Variants in MGST1 observed in about 807,000 individuals in gnomAD.
MGST1 encodes the protein glutathione S-transferase 12.
MGST1 carries 5 observed loss-of-function variants against 8.9 expected under a neutral mutation model. That is an observed-to-expected ratio of 0.56 (90% CI 0.29 to 1.19). MGST1 has a LOEUF of 1.19. Ranked by LOEUF, MGST1 falls within the 50% of genes most tolerant of loss-of-function variation. MGST1 has a pLI of 0.08. For synonymous variants in MGST1, 54 were observed against 67.8 expected (o/e 0.80, Z 1.00); for missense variants, 182 against 187.4 (o/e 0.97, Z 0.17).
intron 1 of MGST1, among the ~76,000 whole-genome samples, chr12:16,405,920 A>G (rs942393109): frequency 6.6e-5 from 10 of 152,208 alleles, no homozygotes; most frequent in African/African-American, 2.4e-4. Context: ...CAAAATAATA[A>G]GAGTCATCTA....
chr12:16,366,640 CACACACACACACACACACACACACAT>C (rs1940195229), downstream of MGST1, among the ~76,000 whole-genome samples: 2 of 41,768 alleles, frequency 4.8e-5, no homozygotes, highest in African/African-American at 2.1e-4. This position sits in a 1 kb window ranked among gnomAD's most constrained non-coding sequence, Gnocchi z 4.0. Context: ...CACACACACA[CACACACACACACACACACACACACAT>C]ACACACACAC....
intron 1 of MGST1, among the ~76,000 whole-genome samples, chr12:16,351,079 A>G (rs907589817): frequency 2.0e-5 from 3 of 152,218 alleles, no homozygotes; most frequent in Non-Finnish European, 4.4e-5. Flanking sequence ...CCATCAATAC[A>G]TAAATTTCAT....
At chr12:16,368,088 C>T (rs1007296899), downstream of MGST1, among the ~76,000 whole-genome samples, 2 of 152,102 alleles carry the variant, frequency 1.3e-5, no homozygotes, top group Non-Finnish European at 2.9e-5. Context: ...TCTCTGATCC[C>T]TAGTTATTAG....
chr12:16,499,880 C>T (rs982725440), intron 4 of MGST1, among the ~76,000 whole-genome samples: 1 of 152,106 alleles, frequency 6.6e-6, no homozygotes, highest in Non-Finnish European at 1.5e-5. Context: ...ATGCCTTCCA[C>T]TCCGGCCCTT....
chr12:16,373,757 T>C (rs974173630), intron 3 of MGST1, among the ~76,000 whole-genome samples: 1 of 152,104 alleles, frequency 6.6e-6, no homozygotes, highest in African/African-American at 2.4e-5. Flanking sequence ...ATTGGTCCTC[T>C]TATATTTGCC....
chr12:16,449,236 C>T (rs1941109025), intron 4 of MGST1, among the ~76,000 whole-genome samples: 1 of 151,888 alleles, frequency 6.6e-6, no homozygotes, highest in South Asian at 2.1e-4. Flanking sequence ...ACAATCATGG[C>T]AGAAGGTAAA....
At chr12:16,575,495 T>C (rs1044215779) in intron 4 of MGST1, among the ~76,000 whole-genome samples, 1 of 152,240 alleles carries the variant, frequency 6.6e-6, no homozygotes, top group East Asian at 1.9e-4. Context: ...AGAGCTAATG[T>C]TTATTGAGCC....
rs8181708 is a variant in MGST1 at position 16,452,976 on chromosome 12, A to G, written n.482+69372A>G. Among the ~76,000 whole-genome samples the G allele has an allele frequency of 9.0e-3, 1,373 of 152,050 alleles. 75 individuals are homozygous for G. In the East Asian group the frequency reaches 0.17, roughly 19 times the overall value. ...TTGTTTTTCAGGCATTGGCCAACATATATTTTCTTAAATTTGATTAAAGTG... is the reference window on the plus strand; with the variant it reads ...TTGTTTTTCAGGCATTGGCCAACATGTATTTTCTTAAATTTGATTAAAGTG... On this transcript the variant is annotated intron_variant and non_coding_transcript_variant, in intron 4 of 4. Transcript: ENST00000538857.
chr12:16,438,437 A>G (rs866369828), exon 2 of MGST1: 3 of 151,950 alleles, frequency 2.0e-5, no homozygotes, highest in Middle Eastern at 3.4e-3. Context: ...TCAGATTCGA[A>G]TTTAGAAAAG....
chr12:16,456,044 G>A (rs1040922494), intron 4 of MGST1, among the ~76,000 whole-genome samples: 5 of 151,732 alleles, frequency 3.3e-5, no homozygotes, highest in African/African-American at 9.7e-5. Context: ...TTGAGCAAGT[G>A]TTCACTTTCT....
chr12:16,554,071 C>A (rs930525741), intron 4 of MGST1, among the ~76,000 whole-genome samples: 5 of 152,084 alleles, frequency 3.3e-5, no homozygotes, highest in African/African-American at 1.2e-4. Flanking sequence ...ATTATTAAAC[C>A]ATCTAATTCT....
intron 4 of MGST1, among the ~76,000 whole-genome samples, chr12:16,484,136 G>A (rs773677945): frequency 3.3e-5 from 5 of 152,114 alleles, no homozygotes; most frequent in Non-Finnish European, 7.4e-5. Context: ...ACTCTGGATG[G>A]GATTTAGTTT....
At position 16,533,715 on chromosome 12, in the gene MGST1, T is replaced by C. The variant is rs538607043; in HGVS notation, n.483-55813T>C. 1.3e-4 allele frequency among the ~76,000 whole-genome samples: 12 copies of C among 91,748 alleles called. No homozygotes were observed. The South Asian group carries it at 3.1e-3, about 24-fold the overall frequency. The allele number at this position is 91,748 out of a possible 152,430, so 60.2% of individuals were successfully genotyped here. A position where few individuals can be genotyped will look rare whatever the true frequency, so the allele number is the denominator to read the frequency against. ...GACTTTTAAGGCACTTACAGTCTAG[T>C]GGGGGATGCAAAAAAAAAAAAAAGT... On this transcript the variant is annotated intron_variant and non_coding_transcript_variant, in intron 4 of 4. Coordinates refer to the MGST1 transcript ENST00000538857.
At chr12:16,467,778 A>G in intron 4 of MGST1, among the ~76,000 whole-genome samples, 1 of 152,236 alleles carries the variant, frequency 6.6e-6, no homozygotes, top group East Asian at 1.9e-4. Flanking sequence ...CTGCTTTTAC[A>G]TATTAATAAT....
chr12:16,492,150 A>G (rs185692908), intron 4 of MGST1, among the ~76,000 whole-genome samples: 67 of 152,314 alleles, frequency 4.4e-4, no homozygotes, highest in Non-Finnish European at 8.4e-4. Flanking sequence ...GTAGGATGGT[A>G]GATTCAAATT....
downstream of MGST1, among the ~76,000 whole-genome samples, chr12:16,365,743 GCACACACACACACA>G (rs769759439): frequency 1.0e-5 from 1 of 100,374 alleles, no homozygotes; most frequent in Non-Finnish European, 1.9e-5. Context: ...GCGTGCACGC[GCACACACACACACA>G]CACACACACA....
chr12:16,386,711 A>G lies in MGST1; in HGVS notation n.778+3107A>G, dbSNP rs564430843. 8.5e-5 allele frequency among the ~76,000 whole-genome samples: 13 copies of G among 152,266 alleles called. No homozygotes were observed. In the South Asian group the frequency reaches 2.7e-3, roughly 32 times the overall value. ...GTGTACAGTAGGCCCCCTTTGTCTC[A>G]GTTTTCCTTTCTGCAATTTCAGTTA... On this transcript the variant is annotated intron_variant and non_coding_transcript_variant, in intron 1 of 1. Coordinates refer to the MGST1 transcript ENST00000359720.
chr12:16,365,293 G>A (rs1282962467), downstream of MGST1, among the ~76,000 whole-genome samples: 2 of 151,942 alleles, frequency 1.3e-5, no homozygotes, highest in Non-Finnish European at 2.9e-5. Context: ...GTGTACTTAA[G>A]TCTTTATAAT....
chr12:16,448,402 G>A (rs891890439), intron 4 of MGST1, among the ~76,000 whole-genome samples: 1 of 151,608 alleles, frequency 6.6e-6, no homozygotes, highest in Non-Finnish European at 1.5e-5. Flanking sequence ...TGGAGGATAG[G>A]GTTAATTCAG....
Sources: gnomAD v4.1 joint callset for allele counts (sites outside exome capture counted in the v4.1 genomes callset) on GRCh38, gnomAD v4.1.1 for gene constraint, Gnocchi (gnomAD v3.1) non-coding constraint, MANE v1.5 for transcripts, NCBI Gene and HGNC (gene_info 2026-07-23, HGNC 2026-07-21) for gene names.